Variants in SFMBT2 observed in about 807,000 individuals in gnomAD.
The protein encoded by SFMBT2 is Scm like with four mbt domains 2, also known as scm-like with four MBT domains protein 2.
Under a neutral mutation model 110.1 loss-of-function variants are expected in SFMBT2, and 38 were observed. The ratio of observed to expected loss-of-function variants is 0.35; its 90% CI spans 0.27 to 0.45. The LOEUF is 0.45. Ranked by LOEUF, SFMBT2 falls within the 20% of genes least tolerant of loss-of-function variation. The probability of loss-of-function intolerance (pLI) is 1.00; values close to 1 mark genes in which losing one functional copy is unlikely to be tolerated. For synonymous variants in SFMBT2, 425 were observed against 425.4 expected, an observed-to-expected ratio of 1.00 and a Z score of 0.01; for missense variants, 1,011 against 1,094.9, an observed-to-expected ratio of 0.92 and a Z score of 1.08.
intron 1 of SFMBT2, among the ~76,000 whole-genome samples, chr10:7,405,667 A>C (rs12360187): frequency 0.029 from 4,444 of 152,146 alleles, 114 homozygotes; most frequent in Non-Finnish European, 0.043. Context: ...TCACAGATGT[A>C]TTTTTCCCAG....
At chr10:7,323,338 C>T (rs957167428) in intron 4 of SFMBT2, among the ~76,000 whole-genome samples, 4 of 150,916 alleles carry the variant, frequency 2.7e-5, no homozygotes, top group Admixed American at 2.0e-4. Context: ...ATAGTCCCAG[C>T]TAATGGGGAG....
At chr10:7,290,132 G>C (rs1047180338) in intron 4 of SFMBT2, among the ~76,000 whole-genome samples, 1 of 151,908 alleles carries the variant, frequency 6.6e-6, no homozygotes, top group African/African-American at 2.4e-5. Flanking sequence ...TGAACGCTAC[G>C]ACAGGAAAGA....
chr10:7,366,799 T>G (rs977338596), intron 4 of SFMBT2, among the ~76,000 whole-genome samples: 2 of 152,244 alleles, frequency 1.3e-5, no homozygotes, highest in African/African-American at 4.8e-5. Context: ...GCTGGCAGGC[T>G]GAGCCTGGTA....
intron 1 of SFMBT2, among the ~76,000 whole-genome samples, chr10:7,390,534 C>T (rs1367740018): frequency 6.6e-6 from 1 of 152,124 alleles, no homozygotes; most frequent in Non-Finnish European, 1.5e-5. Context: ...CATACAAAGA[C>T]TATTTGCTTT....
intron 4 of SFMBT2, among the ~76,000 whole-genome samples, chr10:7,326,787 G>A (rs1843397780): frequency 6.6e-6 from 1 of 152,044 alleles, no homozygotes. Context: ...CAAATCTCTG[G>A]CTCTTTCTCA....
chr10:7,208,923 C>T (rs61835085), intron 11 of SFMBT2, among the ~76,000 whole-genome samples: 35,402 of 151,912 alleles, frequency 0.23, 4,363 homozygotes, highest in South Asian at 0.39. Flanking sequence ...TCAGATGCGT[C>T]GGCTACCTTT....
intron 16 of SFMBT2, among the ~76,000 whole-genome samples, chr10:7,183,643 T>G (rs1015713309): frequency 6.6e-5 from 10 of 151,992 alleles, no homozygotes; most frequent in Non-Finnish European, 1.2e-4. Flanking sequence ...GACGTAAGAG[T>G]AAAGCTGCCA....
chr10:7,211,909 C>A (rs1002553067), intron 11 of SFMBT2, among the ~76,000 whole-genome samples: 2 of 152,146 alleles, frequency 1.3e-5, no homozygotes, highest in Non-Finnish European at 2.9e-5. Context: ...ACGGGCTTCT[C>A]TGAACCACAC....
At chr10:7,277,115 A>AG in intron 6 of SFMBT2, 126 bp from the exon 7 acceptor site, 1 of 613,706 alleles carries the variant, frequency 1.6e-6, no homozygotes, top group Non-Finnish European at 2.9e-6. Context: ...GAGTGTTCAC[A>AG]CCCCATACCC....
chr10:7,287,648 G>A (rs142209189), intron 4 of SFMBT2, among the ~76,000 whole-genome samples: 11 of 152,282 alleles, frequency 7.2e-5, no homozygotes, highest in African/African-American at 2.4e-4. Context: ...TGGGCAGCCC[G>A]GGCTCCACCC....
intron 2 of SFMBT2, chr10:7,370,724 G>A (rs1564462710): frequency 2.0e-6 from 1 of 509,752 alleles, no homozygotes; most frequent in Non-Finnish European, 2.5e-6. Context: ...GGAGGCTGGA[G>A]GACAAGGCGA....
intron 16 of SFMBT2, among the ~76,000 whole-genome samples, chr10:7,185,517 C>T (rs1166433001): frequency 6.6e-6 from 1 of 152,056 alleles, no homozygotes; most frequent in Non-Finnish European, 1.5e-5. Context: ...AAAAAGAAAC[C>T]ACAACATTTC....
At chr10:7,272,536 C>T (rs1337244115) in intron 7 of SFMBT2, among the ~76,000 whole-genome samples, 3 of 152,154 alleles carry the variant, frequency 2.0e-5, no homozygotes, top group Non-Finnish European at 2.9e-5. Flanking sequence ...GTTAGACGCC[C>T]CCCACAGCCT....
At chr10:7,306,996 C>T (rs1842716584) in intron 4 of SFMBT2, among the ~76,000 whole-genome samples, 1 of 152,162 alleles carries the variant, frequency 6.6e-6, no homozygotes, top group African/African-American at 2.4e-5. Context: ...GAAAATATGG[C>T]ATACCTTAGG....
chr10:7,348,201 T>A lies in SFMBT2; in HGVS notation c.436+19448A>T, dbSNP rs1844177759. On this transcript the variant is annotated intron_variant, in intron 4 of 20. Coordinates refer to ENST00000397167, the MANE Select transcript of SFMBT2 (RefSeq NM_001387889.1). ...TTCAAAGGGTTTGGGTTGGTTTATG[T>A]TTGAGGGTGGTGGGAGAGGTTCGTG... 11 of 1,153,608 alleles carry A rather than the reference T, an allele frequency of 9.5e-6. No homozygotes were observed. In the South Asian group the frequency reaches 1.9e-4, roughly 20 times the overall value. The allele number at this position is 1,153,608 out of a possible 1,614,324, so 71.5% of individuals were successfully genotyped here. A position where few individuals can be genotyped will look rare whatever the true frequency, so the allele number is the denominator to read the frequency against.
chr10:7,323,493 A>T (rs1843268344), intron 4 of SFMBT2, among the ~76,000 whole-genome samples: 2 of 151,690 alleles, frequency 1.3e-5, no homozygotes, highest in Admixed American at 6.6e-5. Context: ...AATGAGGAAA[A>T]TAAACACCAA....
chr10:7,401,081 C>T (rs914514759), intron 1 of SFMBT2, among the ~76,000 whole-genome samples: 3 of 152,000 alleles, frequency 2.0e-5, no homozygotes. Flanking sequence ...TGCAACGAGC[C>T]GAGATCGTGC....
At chr10:7,305,097 CA>C (rs1842655182) in intron 4 of SFMBT2, among the ~76,000 whole-genome samples, 1 of 152,172 alleles carries the variant, frequency 6.6e-6, no homozygotes, top group Admixed American at 6.5e-5. Context: ...GTTCTTTTAG[CA>C]AAACTGTGAA....
intron 7 of SFMBT2, among the ~76,000 whole-genome samples, chr10:7,272,484 C>CT (rs1841619820): frequency 6.6e-6 from 1 of 152,178 alleles, no homozygotes; most frequent in Non-Finnish European, 1.5e-5. Flanking sequence ...TTGACAGGAG[C>CT]TTAAGATATA....
Sources: allele counts gnomAD v4.1 joint callset (sites outside exome capture counted in the v4.1 genomes callset), GRCh38; gene constraint gnomAD v4.1.1; transcripts MANE v1.5; gene names NCBI Gene and HGNC (gene_info 2026-07-23, HGNC 2026-07-21).